Variants in ZNF385D observed in about 807,000 individuals in gnomAD.
ZNF385D encodes the protein zinc finger protein 659.
ZNF385D carries 15 observed loss-of-function variants against 35.8 expected under a neutral mutation model. The observed-to-expected ratio is 0.42, with a 90% CI of 0.28 to 0.64. The LOEUF is 0.64. ZNF385D is among the 30% of genes least tolerant of loss of function. ZNF385D has a pLI of 0.23. For synonymous variants in ZNF385D, 212 were observed against 186.8 expected (o/e 1.13, Z -1.10); for missense variants, 474 against 494.6 (o/e 0.96, Z 0.39).
At chr3:21,557,207 T>C (rs1293911567) in intron 3 of ZNF385D, among the ~76,000 whole-genome samples, 1 of 152,184 alleles carries the variant, frequency 6.6e-6, no homozygotes, top group Non-Finnish European at 1.5e-5. Flanking sequence ...CTATGTTGAA[T>C]AGGAGTGGTG....
At chr3:21,772,387 CA>C (rs1289998915) in intron 3 of ZNF385D, among the ~76,000 whole-genome samples, 1 of 151,416 alleles carries the variant, frequency 6.6e-6, no homozygotes, top group South Asian at 2.1e-4. Flanking sequence ...ACAACAACAA[CA>C]AAAAAACAAG....
rs114825655 is a variant in ZNF385D at position 22,159,004 on chromosome 3, C to A, written c.325+9813G>T. 5.4e-3 allele frequency among the ~76,000 whole-genome samples: 819 copies of A among 151,706 alleles called. 5 individuals are homozygous for A. The highest frequency in any genetic ancestry group is 0.018 in the African/African-American group (729 of 41,408). ...AGAAAAGCAGAGGAGTGATTACTTT[C>A]CTAAGATTATAGATAGGAAACACAG... is the stretch of plus-strand genomic sequence containing the variant. On this transcript the variant is annotated intron_variant, in intron 3 of 5. Transcript: ENST00000494108.
chr3:21,807,426 G>C (rs1488743695), intron 3 of ZNF385D, among the ~76,000 whole-genome samples: 1 of 151,946 alleles, frequency 6.6e-6, no homozygotes, highest in East Asian at 1.9e-4. Flanking sequence ...ATCATTTATG[G>C]GTATTCTAGT....
At chr3:21,446,654 T>C (rs1484497389) in intron 4 of ZNF385D, among the ~76,000 whole-genome samples, 2 of 151,788 alleles carry the variant, frequency 1.3e-5, no homozygotes, top group Non-Finnish European at 2.9e-5. Context: ...CCACCACACC[T>C]GGCTAATTTT....
chr3:21,803,505 A>G (rs1420930525), intron 3 of ZNF385D, among the ~76,000 whole-genome samples: 2 of 152,174 alleles, frequency 1.3e-5, no homozygotes, highest in East Asian at 1.9e-4. Context: ...GTAATAAAAT[A>G]TTATTTCAAA....
intron 2 of ZNF385D, among the ~76,000 whole-genome samples, chr3:22,300,456 T>C (rs1018262162): frequency 1.3e-5 from 2 of 151,056 alleles, no homozygotes; most frequent in African/African-American, 4.9e-5. Flanking sequence ...GATATCAAAG[T>C]AAAATCTTCT....
In ZNF385D at chr3:22,264,736, T is replaced by C. The variant is rs764289235; in HGVS notation, c.107-95701A>G. On this transcript the variant is annotated intron_variant, in intron 2 of 5. Transcript: ENST00000494108. ...CAATTAGGTGATTAATGAATACTTG[T>C]TGCATGATCTAATGAATAAAATCAC... 2.1e-4 allele frequency among the ~76,000 whole-genome samples: 32 copies of C among 152,142 alleles called. No individual in the cohort carries two copies. In the Middle Eastern group the frequency reaches 0.01, roughly 49 times the overall value.
At chr3:22,066,332 T>C (rs984949011) in intron 3 of ZNF385D, among the ~76,000 whole-genome samples, 2 of 86,800 alleles carry the variant, frequency 2.3e-5, no homozygotes, top group Non-Finnish European at 4.5e-5. Flanking sequence ...GTGTGTGTAT[T>C]AGTAAAAAGA....
intron 2 of ZNF385D, among the ~76,000 whole-genome samples, chr3:21,653,651 C>A (rs1413872519): frequency 2.6e-5 from 4 of 151,842 alleles, no homozygotes; most frequent in Admixed American, 2.6e-4. Context: ...AAACAAGGCT[C>A]TTAAAACCAG....
intron 2 of ZNF385D, among the ~76,000 whole-genome samples, chr3:22,190,583 T>C (rs1695950748): frequency 6.6e-6 from 1 of 152,198 alleles, no homozygotes; most frequent in Admixed American, 6.6e-5. Flanking sequence ...CAAGGTTATA[T>C]AAATACTAAC....
intron 2 of ZNF385D, among the ~76,000 whole-genome samples, chr3:21,611,036 C>A (rs2064661055): frequency 6.6e-6 from 1 of 152,192 alleles, no homozygotes; most frequent in Non-Finnish European, 1.5e-5. Context: ...AAGCAACTTA[C>A]AGCATGATAA....
intron 3 of ZNF385D, among the ~76,000 whole-genome samples, chr3:21,559,855 GTTTC>G (rs2062876085): frequency 6.6e-6 from 1 of 152,070 alleles, no homozygotes; most frequent in Admixed American, 6.6e-5. Flanking sequence ...GGCTTTGTTT[GTTTC>G]TTTTCATTCT....
At chr3:21,843,395 G>C (rs527531447) in intron 3 of ZNF385D, among the ~76,000 whole-genome samples, 1 of 151,936 alleles carries the variant, frequency 6.6e-6, no homozygotes, top group Admixed American at 6.6e-5. Context: ...AATTATCCCT[G>C]AGGATATGTT....
At chr3:22,106,633 C>G (rs1037674602) in intron 3 of ZNF385D, among the ~76,000 whole-genome samples, 2 of 152,262 alleles carry the variant, frequency 1.3e-5, no homozygotes, top group East Asian at 3.9e-4. Flanking sequence ...CTCCAGAAAG[C>G]CAAGCCGTCA....
chr3:22,246,881 T>C (rs1699811619), intron 2 of ZNF385D, among the ~76,000 whole-genome samples: 1 of 152,152 alleles, frequency 6.6e-6, no homozygotes, highest in Non-Finnish European at 1.5e-5. Context: ...TCAATGATTT[T>C]TCAGAACATT....
Position 22,355,472 on chromosome 3 carries a change from A to G in ZNF385D, c.106+16978T>C, listed in dbSNP as rs555431293. ...TAACAACGTATGATATAATAAATAA[A>G]ATAGGAGTATACAAAAATGAAATGA... On this transcript the variant is annotated intron_variant, in intron 2 of 5. Transcript: ENST00000494108. Among the ~76,000 whole-genome samples the G allele has an allele frequency of 3.5e-4, 53 of 152,120 alleles. 1 individual carries two copies. The highest frequency in any genetic ancestry group is 1.2e-3 in the African/African-American group (48 of 41,550).
intron 2 of ZNF385D, among the ~76,000 whole-genome samples, chr3:21,586,521 T>C (rs1271730472): frequency 6.6e-6 from 1 of 152,136 alleles, no homozygotes; most frequent in Non-Finnish European, 1.5e-5. Flanking sequence ...TCTATATTGA[T>C]TGTAGAGAGA....
At chr3:21,699,715 CATT>C (rs1369897539) in intron 1 of ZNF385D, among the ~76,000 whole-genome samples, 1 of 150,454 alleles carries the variant, frequency 6.6e-6, no homozygotes, top group Non-Finnish European at 1.5e-5. Flanking sequence ...AAGTAAAATA[CATT>C]ATTTAAATTA....
chr3:22,009,350 G>A (rs1464486342), intron 3 of ZNF385D, among the ~76,000 whole-genome samples: 2 of 151,978 alleles, frequency 1.3e-5, no homozygotes, highest in African/African-American at 2.4e-5. Context: ...TTGGCTAGGC[G>A]AGGTGGCTCA....
Sources: gnomAD v4.1 joint callset for allele counts (sites outside exome capture counted in the v4.1 genomes callset) on GRCh38, gnomAD v4.1.1 for gene constraint, MANE v1.5 for transcripts, NCBI Gene and HGNC (gene_info 2026-07-23, HGNC 2026-07-21) for gene names.